The following CACNA1A variants were observed in gnomAD, a reference collection of about 807,000 sequenced individuals.
The protein encoded by CACNA1A is voltage-dependent P/Q-type calcium channel subunit alpha-1A.
CACNA1A carries 57 observed loss-of-function variants against 262.4 expected under a neutral mutation model. That is an observed-to-expected ratio of 0.22 (90% CI 0.18 to 0.27). The LOEUF (loss-of-function observed/expected upper bound fraction) is 0.27, where lower values mean the gene tolerates loss of function less well. Ranked by LOEUF, CACNA1A falls within the 10% of genes least tolerant of loss-of-function variation. The pLI is 1.00. For missense variants in CACNA1A, 2,526 were observed against 3,562.8 expected (o/e 0.71, Z 7.41); for synonymous variants, 1,431 against 1,419.3 (o/e 1.01, Z -0.18).
chr19:13,310,907 C>G (rs1340311788), intron 12 of CACNA1A, among the ~76,000 whole-genome samples: 1 of 151,888 alleles, frequency 6.6e-6, no homozygotes, highest in Non-Finnish European at 1.5e-5. Flanking sequence ...TCTCCTTCCT[C>G]AGCCTCCCAA....
chr19:13,481,606 C>T (rs1299819508), intron 1 of CACNA1A, among the ~76,000 whole-genome samples: 4 of 152,098 alleles, frequency 2.6e-5, no homozygotes, highest in South Asian at 4.1e-4. Flanking sequence ...TGAGGATGCA[C>T]GGCCAGTACA....
chr19:13,211,365 T>C (rs2054804757), intron 43 of CACNA1A: 1 of 153,460 alleles, frequency 6.5e-6, no homozygotes, highest in African/African-American at 2.4e-5. Flanking sequence ...GCTATGCCTC[T>C]GGGCCCTCTG....
chr19:13,361,987 C>A (rs1417644178), intron 5 of CACNA1A: 3 of 151,352 alleles, frequency 2.0e-5, no homozygotes, highest in Non-Finnish European at 4.4e-5. Context: ...CAGTCCCTCC[C>A]TCCCTCCCTT....
chr19:13,330,514 A>T (rs1031750425), intron 9 of CACNA1A, among the ~76,000 whole-genome samples, 181 bp from the exon 10 acceptor site: 6 of 152,212 alleles, frequency 3.9e-5, no homozygotes, highest in African/African-American at 1.4e-4. Flanking sequence ...CTTTGCTTAA[A>T]GGGGTAAAGA....
intron 6 of CACNA1A, among the ~76,000 whole-genome samples, chr19:13,342,808 G>T (rs2058697202): frequency 6.6e-6 from 1 of 152,188 alleles, no homozygotes; most frequent in Non-Finnish European, 1.5e-5. Context: ...CTGCCAACCT[G>T]CACTGGACAT....
intron 4 of CACNA1A, chr19:13,365,832 T>C (rs2144526011): frequency 5.9e-6 from 1 of 170,872 alleles, no homozygotes; most frequent in Middle Eastern, 2.7e-3. Flanking sequence ...CATGCCTGGC[T>C]AAGTTTTAAA....
chr19:13,229,180 C>T (rs1297362817), intron 36 of CACNA1A: 5 of 160,894 alleles, frequency 3.1e-5, no homozygotes, highest in Non-Finnish European at 1.4e-5. Context: ...CGGCTCTCCC[C>T]AGCCTCTCGG....
At chr19:13,407,052 A>T (rs1169010786) in intron 3 of CACNA1A, among the ~76,000 whole-genome samples, 1 of 152,062 alleles carries the variant, frequency 6.6e-6, no homozygotes, top group African/African-American at 2.4e-5. Context: ...GTGGAATCCC[A>T]GCTCTGCTAC....
At chr19:13,304,537 G>A (rs1399027272) in intron 15 of CACNA1A, among the ~76,000 whole-genome samples, 2 of 151,612 alleles carry the variant, frequency 1.3e-5, no homozygotes, top group East Asian at 3.9e-4. Context: ...TGGGAGGATC[G>A]TTTGAACCTA....
chr19:13,341,557 T>C (rs2058676257), intron 6 of CACNA1A, among the ~76,000 whole-genome samples: 1 of 152,184 alleles, frequency 6.6e-6, no homozygotes, highest in Non-Finnish European at 1.5e-5. Flanking sequence ...CCTGGCTTCC[T>C]TGCAGTTTCT....
chr19:13,461,365 C>CAAAAT (rs1444148940), intron 1 of CACNA1A, among the ~76,000 whole-genome samples: 4 of 151,728 alleles, frequency 2.6e-5, no homozygotes, highest in Non-Finnish European at 4.4e-5. Context: ...CAAAACAAAA[C>CAAAAT]AAAACAAAAC....
chr19:13,444,676 A>T (rs1332517756), intron 3 of CACNA1A, among the ~76,000 whole-genome samples: 1 of 152,162 alleles, frequency 6.6e-6, no homozygotes, highest in Non-Finnish European at 1.5e-5. Context: ...GATATTAAAC[A>T]TTTATACCAC....
intron 11 of CACNA1A, among the ~76,000 whole-genome samples, chr19:13,314,525 CCAGTGTTCCTCCCTTCCAGAGGATA>C (rs2058089780): frequency 6.6e-6 from 1 of 152,084 alleles, no homozygotes; most frequent in Non-Finnish European, 1.5e-5. Flanking sequence ...ATGTAAGGAC[CCAGTGTTCCTCCCTTCCAGAGGATA>C]CAGTGTTCAA....
At chr19:13,288,713 TGATGCCTTCTG>T (rs1428501227) in intron 19 of CACNA1A, among the ~76,000 whole-genome samples, 1 of 152,192 alleles carries the variant, frequency 6.6e-6, no homozygotes, top group Admixed American at 6.6e-5. Context: ...GTAGCCCATC[TGATGCCTTCTG>T]GACTACAGAC....
chr19:13,389,795 T>G (rs1403005421), intron 3 of CACNA1A, among the ~76,000 whole-genome samples: 1 of 151,966 alleles, frequency 6.6e-6, no homozygotes, highest in Non-Finnish European at 1.5e-5. Context: ...GCATTTTTAT[T>G]TTTACTTTAT....
In CACNA1A at chr19:13,212,603, C is replaced by G. The variant is rs1568423980; in HGVS notation, c.6050+28G>C. On this transcript the variant is annotated intron_variant, in intron 41 of 46. Coordinates refer to ENST00000360228, the MANE Select transcript of CACNA1A (RefSeq NM_001127222.2). This position sits in a 1 kb window ranked among gnomAD's most constrained non-coding sequence, Gnocchi z 5.6. ...GTGGGGACCACGGCACCCCCACACT[C>G]CACCTCCCTGGCAGGGGTGACACTC... is the stretch of plus-strand genomic sequence containing the variant. 6.6e-7 allele frequency: 1 copy of G among 1,508,692 alleles called. No individual in the cohort carries two copies. The highest frequency in any genetic ancestry group is 2.4e-5 in the East Asian group (1 of 41,492). The allele number at this position is 1,508,692 out of a possible 1,614,324, so 93.5% of individuals were successfully genotyped here. A position where few individuals can be genotyped will look rare whatever the true frequency, so the allele number is the denominator to read the frequency against.
chr19:13,431,926 G>A (rs1339708520), intron 3 of CACNA1A, among the ~76,000 whole-genome samples: 1 of 151,736 alleles, frequency 6.6e-6, no homozygotes, highest in African/African-American at 2.4e-5. Context: ...CCAACATGGT[G>A]AAACCCTGTC....
At chr19:13,456,992 G>A (rs1210746530) in intron 1 of CACNA1A, among the ~76,000 whole-genome samples, 3 of 152,182 alleles carry the variant, frequency 2.0e-5, no homozygotes, top group African/African-American at 7.2e-5. Context: ...GCTCATGCCT[G>A]TAATCCCAGC....
intron 31 of CACNA1A, among the ~76,000 whole-genome samples, chr19:13,238,183 C>T (rs536387249): frequency 6.6e-6 from 1 of 152,136 alleles, no homozygotes; most frequent in Non-Finnish European, 1.5e-5. Flanking sequence ...TTCCACTGCC[C>T]CCAGAACTTC....
Sources: allele counts gnomAD v4.1 joint callset (sites outside exome capture counted in the v4.1 genomes callset), GRCh38; gene constraint gnomAD v4.1.1; non-coding constraint Gnocchi (gnomAD v3.1); transcripts MANE v1.5; gene names NCBI Gene and HGNC (gene_info 2026-07-23, HGNC 2026-07-21).